The following MTOR variants were observed in gnomAD, a reference collection of about 807,000 sequenced individuals.
The protein encoded by MTOR is mechanistic target of rapamycin kinase.
Under a neutral mutation model 319.8 loss-of-function variants are expected in MTOR, and 70 were observed. The ratio of observed to expected loss-of-function variants is 0.22; its 90% CI spans 0.18 to 0.27. The LOEUF (loss-of-function observed/expected upper bound fraction) is 0.27. Ranked by LOEUF, MTOR falls within the 10% of genes least tolerant of loss-of-function variation. The pLI, the probability that MTOR is intolerant of heterozygous loss-of-function variation, is 1.00. For missense variants in MTOR, 1,890 were observed against 3,274.4 expected (o/e 0.58, Z 10.32); for synonymous variants, 1,183 against 1,211.4 (o/e 0.98, Z 0.49).
chr1:11,194,698 C>T (rs766005976), intron 28 of MTOR: 5 of 1,612,710 alleles, frequency 3.1e-6, no homozygotes, highest in South Asian at 2.2e-5. Flanking sequence ...AGTTCAGGTA[C>T]AAGCTCATAA....
chr1:11,230,705 T>C (rs1646987342), intron 18 of MTOR, among the ~76,000 whole-genome samples: 1 of 152,134 alleles, frequency 6.6e-6, no homozygotes, highest in Non-Finnish European at 1.5e-5. Flanking sequence ...TGCCAACCCT[T>C]GACAAAGAAT....
In MTOR at chr1:11,179,756, GA is replaced by G. The variant is rs996221591; in HGVS notation, c.4254-12240del. ...TTGGGCTGAATCTAAAAGTGCATTT[GA>G]AAAAAAAAATGGGGCTACAGCAAAG... On this transcript the variant is annotated intron_variant, in intron 28 of 57. Transcript: ENST00000361445. 6.7e-5 allele frequency among the ~76,000 whole-genome samples: 10 copies of G among 148,392 alleles called. 1 individual carries two copies. The highest frequency in any genetic ancestry group is 1.7e-4 in the African/African-American group (7 of 40,516).
chr1:11,202,591 C>A (rs1266234599), intron 26 of MTOR, among the ~76,000 whole-genome samples: 1 of 151,444 alleles, frequency 6.6e-6, no homozygotes, highest in Non-Finnish European at 1.5e-5. Flanking sequence ...CAAACCTGCA[C>A]CTGTACTCCA....
At position 11,127,496 on chromosome 1, in the gene MTOR, GGAAAA is replaced by G; in HGVS notation, c.6216+123_6216+127del. 1 of 1,148,132 alleles carries G rather than the reference GGAAAA, an allele frequency of 8.7e-7. No individual in the cohort carries two copies. The highest frequency in any genetic ancestry group is 1.2e-6 in the Non-Finnish European group (1 of 826,608). The allele number at this position is 1,148,132 out of a possible 1,614,324, so 71.1% of individuals were successfully genotyped here. A position where few individuals can be genotyped will look rare whatever the true frequency, so the allele number is the denominator to read the frequency against. On this transcript the variant is annotated intron_variant, in intron 44 of 57. Coordinates refer to ENST00000361445, the MANE Select transcript of MTOR (RefSeq NM_004958.4). The surrounding 1 kb of genome is among the most constrained non-coding windows in gnomAD (Gnocchi z 5.5). ...TATTAAAGTCAGTGGAAAGGCCAGA[GGAAAA>G]GAAATCTGACAAAGGCCTTGGGTCA...
chr1:11,208,005 TAGAG>T lies in MTOR; in HGVS notation c.3801+1303_3801+1306del, dbSNP rs1056640107. ...TAGATTACTGAGGAATTTCCTAAAA[TAGAG>T]AGAACAAAGCTCTAAAGCAGGGTGG... is the stretch of plus-strand genomic sequence containing the variant. On this transcript the variant is annotated intron_variant, in intron 25 of 57. Coordinates refer to ENST00000361445, the MANE Select transcript of MTOR (RefSeq NM_004958.4). Among the ~76,000 whole-genome samples the T allele has an allele frequency of 4.6e-5, 7 of 152,234 alleles. No individual in the cohort carries two copies. The East Asian group carries it at 9.6e-4, about 21-fold the overall frequency.
rs540881393 is a variant in MTOR, at chr1:11,238,561, G to C, written c.1843C>G (p.His615Asp). 5 of 1,614,044 alleles carry C rather than the reference G, an allele frequency of 3.1e-6. No individual in the cohort carries two copies. Among genetic ancestry groups the C allele is most frequent in the Non-Finnish European group, 4.2e-6 (5 of 1,180,030 alleles). ...GCAGCCTCCATGCGGATCTCCTTGT[G>C]CTCACTGTTCAGGAAATGATCCGCA... The part of the protein sequence containing the change: ...HCADHFLNSE[H>D]KEIRMEAART... Residue 615 changes from histidine (H) to aspartate (D), a missense_variant, in exon 12 of 58, where the codon CAC becomes GAC. His to Asp is a moderately conservative substitution (Grantham distance 81, BLOSUM62 -1). Around this residue, in one of 15 missense-constraint regions of MTOR, gnomAD observed 418 missense variants for 543.1 expected, o/e 0.77. Transcript: ENST00000361445.
intron 8 of MTOR, among the ~76,000 whole-genome samples, chr1:11,245,794 T>C (rs1041835112): frequency 6.6e-6 from 1 of 152,100 alleles, no homozygotes; most frequent in African/African-American, 2.4e-5. Flanking sequence ...CCTGTGGTCC[T>C]ACCTACTTGG....
chr1:11,125,719 ACT>A (rs1241865137), intron 46 of MTOR, among the ~76,000 whole-genome samples: 41 of 127,962 alleles, frequency 3.2e-4, no homozygotes, highest in African/African-American at 1.2e-3. Flanking sequence ...ACAGAGTGAG[ACT>A]CTGTCTTGGG....
At position 11,238,601 on chromosome 1, in the gene MTOR, T is replaced by C. The variant is rs780273959; in HGVS notation, c.1803A>G (p.Gln601=). The change falls in exon 12 of 58, where the codon CAA becomes CAG. Residue 601 remains glutamine, a synonymous_variant. Transcript: ENST00000361445. ...AATGATCCGCACAGTGGCGAACAAA[T>C]TGGGTCAGAGAGTGGCCTGGATAGA... is the stretch of plus-strand genomic sequence containing the variant. ...SFEFEGHSLT[Q]FVRHCADHFL... is the part of the protein sequence containing the mutation. 2.1e-5 allele frequency: 34 copies of C among 1,612,032 alleles called. No individual in the cohort carries two copies. The highest frequency in any genetic ancestry group is 5.5e-5 in the South Asian group (5 of 90,994).
At chr1:11,152,539 G>A (rs1644183125) in intron 30 of MTOR, 1 of 152,192 alleles carries the variant, frequency 6.6e-6, no homozygotes, top group Non-Finnish European at 1.5e-5. Context: ...CTAGCTGTGT[G>A]GGGAACAGTT....
intron 31 of MTOR, among the ~76,000 whole-genome samples, chr1:11,147,746 C>T (rs1643985419): frequency 6.6e-6 from 1 of 152,184 alleles, no homozygotes; most frequent in African/African-American, 2.4e-5. Context: ...ATGTAACTTT[C>T]CTCTGGGCTC....
At position 11,231,571 on chromosome 1, in the gene MTOR, A is replaced by C. The variant is rs577022936; in HGVS notation, c.2515-137T>G. The C allele has an allele frequency of 1.2e-5, 13 of 1,065,154 alleles. No homozygotes were observed. The South Asian group carries it at 2.3e-4, about 19-fold the overall frequency. The allele number at this position is 1,065,154 out of a possible 1,614,324, so 66.0% of individuals were successfully genotyped here. A position where few individuals can be genotyped will look rare whatever the true frequency, so the allele number is the denominator to read the frequency against. On this transcript the variant is annotated intron_variant, in intron 16 of 57. Transcript: ENST00000361445. ...GAGGTTTCCAGTAAAGACACTAACC[A>C]TGAGCAGAAATCCCAAAAGGGCATA...
Position 11,115,036 on chromosome 1 carries a change from T to C in MTOR, c.7090-149A>G. ...AGCTTGGGTTTAGTGAGAGGACTTG[T>C]CACAGGGATTTGAAAGACAACTTAA... On this transcript the variant is annotated intron_variant, in intron 51 of 57. Transcript: ENST00000361445. This position sits in a 1 kb window ranked among gnomAD's most constrained non-coding sequence, Gnocchi z 4.5. 1.6e-6 allele frequency: 1 copy of C among 642,700 alleles called. No individual in the cohort carries two copies. The highest frequency in any genetic ancestry group is 2.8e-6 in the Non-Finnish European group (1 of 362,546). The allele number at this position is 642,700 out of a possible 1,614,324, so 39.8% of individuals were successfully genotyped here.
chr1:11,118,216 C>T (rs1407309181), intron 49 of MTOR, among the ~76,000 whole-genome samples: 2 of 148,518 alleles, frequency 1.3e-5, no homozygotes, highest in Non-Finnish European at 3.0e-5. Context: ...CCTTAAATTC[C>T]AAACTTAGTT....
Position 11,213,884 on chromosome 1 carries a change from A to G in MTOR, c.3118-318T>C, listed in dbSNP as rs557732783. Among the ~76,000 whole-genome samples the G allele has an allele frequency of 5.3e-5, 8 of 152,208 alleles. No individual in the cohort carries two copies. The East Asian group carries it at 1.5e-3, about 29-fold the overall frequency. On this transcript the variant is annotated intron_variant, in intron 20 of 57. Coordinates refer to ENST00000361445, the MANE Select transcript of MTOR (RefSeq NM_004958.4). ...TCTTTCTAGACCTGGCTCTAGCCTCACTTCTCCCATGCAGGCTTTCTTCTT... is the reference window on the plus strand; with the variant it reads ...TCTTTCTAGACCTGGCTCTAGCCTCGCTTCTCCCATGCAGGCTTTCTTCTT...
intron 6 of MTOR, among the ~76,000 whole-genome samples, chr1:11,250,202 G>C (rs1489158275): frequency 8.3e-6 from 1 of 120,980 alleles, no homozygotes; most frequent in African/African-American, 2.7e-5. Context: ...CTCCCGGACG[G>C]GGCGGCTGGC....
chr1:11,118,439 G>A (rs1225311496), intron 49 of MTOR, among the ~76,000 whole-genome samples: 3 of 151,430 alleles, frequency 2.0e-5, no homozygotes, highest in South Asian at 2.1e-4. Context: ...GTTTCACCAC[G>A]TTGGTCAGGC....
chr1:11,124,078 G>A (rs1051074491), intron 47 of MTOR, among the ~76,000 whole-genome samples: 4 of 152,202 alleles, frequency 2.6e-5, no homozygotes, highest in South Asian at 4.1e-4. Flanking sequence ...ATGGGCCACC[G>A]TGCCCGGTCA....
In MTOR at chr1:11,109,406, G is replaced by A. The variant is rs374466795; in HGVS notation, c.7448-36C>T. ...CAAAAGTAGAAATAACTGTAAGAAT[G>A]GGAGCAATACAACAGGTTCAATGGG... is the stretch of plus-strand genomic sequence containing the variant. On this transcript the variant is annotated intron_variant, in intron 55 of 57. Transcript: ENST00000361445. The surrounding 1 kb of genome is among the most constrained non-coding windows in gnomAD (Gnocchi z 4.0). The A allele has an allele frequency of 5.6e-6, 9 of 1,594,716 alleles. No homozygotes were observed. The highest frequency in any genetic ancestry group is 7.7e-6 in the Non-Finnish European group (9 of 1,163,246).
Sources: gnomAD v4.1 joint callset for allele counts (sites outside exome capture counted in the v4.1 genomes callset) on GRCh38, gnomAD v4.1.1 for gene constraint, gnomAD v4.1.1 regional missense constraint, Gnocchi (gnomAD v3.1) non-coding constraint, MANE v1.5 for transcripts, NCBI Gene and HGNC (gene_info 2026-07-23, HGNC 2026-07-21) for gene names.